Variants in LINGO2 observed in about 807,000 individuals in gnomAD.
LINGO2 encodes the protein leucine-rich repeat and immunoglobulin-like domain-containing nogo receptor-interacting protein 2.
A neutral mutation model predicts 30.6 loss-of-function variants in LINGO2; 14 were observed. The observed-to-expected ratio is 0.46, with a 90% confidence interval of 0.30 to 0.72. The LOEUF (loss-of-function observed/expected upper bound fraction) is 0.72, where lower values mean the gene tolerates loss of function less well. LINGO2 is among the 30% of genes least tolerant of loss of function. LINGO2 has a pLI of 0.07. For missense variants in LINGO2, 729 were observed against 751.7 expected (o/e 0.97, Z 0.35); for synonymous variants, 317 against 288.5 (o/e 1.10, Z -1.00).
chr9:28,180,159 A>G (rs918818312), intron 4 of LINGO2, among the ~76,000 whole-genome samples: 1 of 152,160 alleles, frequency 6.6e-6, no homozygotes, highest in African/African-American at 2.4e-5. Context: ...TGTAAACCAT[A>G]GCAAGAAAGC....
At chr9:29,084,458 C>T in the LINGO2 span, among the ~76,000 whole-genome samples, 3 of 152,010 alleles carry the variant, frequency 2.0e-5, no homozygotes, top group African/African-American at 7.2e-5. Flanking sequence ...TAGTTTTAAC[C>T]TCCAACCTTT....
intron 1 of LINGO2, among the ~76,000 whole-genome samples, chr9:28,545,061 C>G (rs1024324750): frequency 2.0e-4 from 30 of 151,980 alleles, no homozygotes; most frequent in Non-Finnish European, 4.4e-5. Flanking sequence ...GAGAATTATT[C>G]TCTGCACTTT....
the LINGO2 span, among the ~76,000 whole-genome samples, chr9:28,929,095 T>G: frequency 1.3e-5 from 2 of 152,220 alleles, no homozygotes; most frequent in Non-Finnish European, 2.9e-5. Flanking sequence ...TGAAGCTAGA[T>G]GATATTTTGA....
At chr9:28,852,041 T>C in the LINGO2 span, among the ~76,000 whole-genome samples, 2 of 151,774 alleles carry the variant, frequency 1.3e-5, no homozygotes, top group African/African-American at 4.8e-5. Flanking sequence ...CCAGTTGCAC[T>C]CAGGAAATTA....
the LINGO2 span, among the ~76,000 whole-genome samples, chr9:29,195,808 G>C: frequency 6.6e-6 from 1 of 152,212 alleles, no homozygotes; most frequent in African/African-American, 2.4e-5. Flanking sequence ...TTGCTTTGCA[G>C]TCCTGTGTTA....
At chr9:29,055,405 T>C in the LINGO2 span, among the ~76,000 whole-genome samples, 1 of 152,208 alleles carries the variant, frequency 6.6e-6, no homozygotes, top group African/African-American at 2.4e-5. Flanking sequence ...GGCTGAATAA[T>C]ATTCCACTCC....
At chr9:29,076,278 T>C in the LINGO2 span, among the ~76,000 whole-genome samples, 1 of 152,032 alleles carries the variant, frequency 6.6e-6, no homozygotes, top group African/African-American at 2.4e-5. Context: ...GTTATTATGA[T>C]TATTTCCATT....
chr9:29,024,174 C>T, the LINGO2 span, among the ~76,000 whole-genome samples: 1 of 152,034 alleles, frequency 6.6e-6, no homozygotes, highest in Non-Finnish European at 1.5e-5. Context: ...TAGATCTGAT[C>T]ATATAAATTT....
At chr9:29,008,377 C>CA in the LINGO2 span, among the ~76,000 whole-genome samples, 2 of 152,076 alleles carry the variant, frequency 1.3e-5, no homozygotes, top group Non-Finnish European at 2.9e-5. Context: ...AATAGTGCCA[C>CA]AAAAAACATA....
the LINGO2 span, among the ~76,000 whole-genome samples, chr9:29,092,579 TC>T: frequency 2.1e-5 from 3 of 141,586 alleles, no homozygotes; most frequent in Admixed American, 7.2e-5. Context: ...AATGCATTTT[TC>T]CATGTATTAC....
At chr9:28,770,404 C>A in the LINGO2 span, among the ~76,000 whole-genome samples, 8 of 152,258 alleles carry the variant, frequency 5.3e-5, no homozygotes, top group South Asian at 1.2e-3. Context: ...GCTGAAACCG[C>A]ATAGGTCTTG....
At chr9:27,974,791 T>G (rs10968243) in intron 5 of LINGO2, among the ~76,000 whole-genome samples, 2 of 152,116 alleles carry the variant, frequency 1.3e-5, no homozygotes, top group Non-Finnish European at 2.9e-5. Context: ...AAAAGTTTCT[T>G]GCTTATCACC....
At chr9:28,431,894 T>C (rs182657019) in intron 2 of LINGO2, among the ~76,000 whole-genome samples, 2 of 105,460 alleles carry the variant, frequency 1.9e-5, no homozygotes, top group Non-Finnish European at 3.9e-5. Flanking sequence ...AATAGGACAT[T>C]TTTTTTCCCT....
At chr9:28,240,887 C>A (rs1476022785) in intron 4 of LINGO2, among the ~76,000 whole-genome samples, 1 of 152,230 alleles carries the variant, frequency 6.6e-6, no homozygotes, top group Non-Finnish European at 1.5e-5. Flanking sequence ...AGTGAAGAGA[C>A]AAATCACAGA....
the LINGO2 span, among the ~76,000 whole-genome samples, chr9:29,115,603 A>T: frequency 6.6e-6 from 1 of 152,106 alleles, no homozygotes. Flanking sequence ...TTTTAAAGAA[A>T]AGATATGCAG....
intron 2 of LINGO2, among the ~76,000 whole-genome samples, chr9:28,425,166 C>T (rs10125241): frequency 0.46 from 69,364 of 149,508 alleles, 16,372 homozygotes; most frequent in Admixed American, 0.51. Context: ...TTACATTCTG[C>T]ACTTTAACAA....
chr9:28,312,578 A>G (rs1824672435), intron 3 of LINGO2, among the ~76,000 whole-genome samples: 1 of 152,188 alleles, frequency 6.6e-6, no homozygotes, highest in South Asian at 2.1e-4. Context: ...ATAATGCTTT[A>G]TTCTAATTAA....
chr9:28,631,902 G>A (rs904833542), intron 1 of LINGO2, among the ~76,000 whole-genome samples: 3 of 152,142 alleles, frequency 2.0e-5, no homozygotes, highest in Non-Finnish European at 4.4e-5. Flanking sequence ...TATGTGTTAA[G>A]CTACTATGAA....
chr9:28,093,508 G>A (rs376706015), intron 4 of LINGO2, among the ~76,000 whole-genome samples: 98 of 152,108 alleles, frequency 6.4e-4, no homozygotes, highest in African/African-American at 2.0e-3. Flanking sequence ...TTAGTATACA[G>A]TAAGTACTCA....
Sources: gnomAD v4.1 joint callset for allele counts (sites outside exome capture counted in the v4.1 genomes callset) on GRCh38, gnomAD v4.1.1 for gene constraint, MANE v1.5 for transcripts, NCBI Gene and HGNC (gene_info 2026-07-23, HGNC 2026-07-21) for gene names.